Variants in CLIP2 observed in about 807,000 individuals in gnomAD.
The protein encoded by CLIP2 is CAP-Gly domain containing linker protein 2.
A neutral mutation model predicts 111.7 loss-of-function variants in CLIP2; 41 were observed. That is an observed-to-expected ratio of 0.37 (90% CI 0.29 to 0.48). The LOEUF (loss-of-function observed/expected upper bound fraction) is 0.48, where lower values mean the gene tolerates loss of function less well. CLIP2 is among the 20% of genes least tolerant of loss of function. The pLI, the probability that CLIP2 is intolerant of heterozygous loss-of-function variation, is 0.99. For missense variants in CLIP2, 1,160 were observed against 1,422.1 expected (o/e 0.82, Z 2.96); for synonymous variants, 660 against 644.2 (o/e 1.02, Z -0.37).
At chr7:74,336,137 G>C (rs1789449466) in intron 2 of CLIP2, among the ~76,000 whole-genome samples, 1 of 151,532 alleles carries the variant, frequency 6.6e-6, no homozygotes, top group Admixed American at 6.6e-5. Context: ...GTGCCATCTT[G>C]GCTCACTGCA....
intron 8 of CLIP2, among the ~76,000 whole-genome samples, chr7:74,364,578 G>A (rs1305193256): frequency 6.6e-6 from 1 of 152,166 alleles, no homozygotes; most frequent in East Asian, 1.9e-4. Flanking sequence ...GGGGGGCTGG[G>A]CCCCAGGATA....
intron 8 of CLIP2, among the ~76,000 whole-genome samples, chr7:74,368,517 A>T (rs935684552): frequency 1.6e-4 from 24 of 151,412 alleles, no homozygotes; most frequent in African/African-American, 5.1e-4. Context: ...ACTCCATCTC[A>T]AAATAAATAA....
chr7:74,315,503 C>A (rs1272670455), intron 1 of CLIP2, among the ~76,000 whole-genome samples: 1 of 152,096 alleles, frequency 6.6e-6, no homozygotes, highest in Non-Finnish European at 1.5e-5. Context: ...CCTTGGCCCC[C>A]CAAAGTGCTG....
chr7:74,401,413 G>A (rs1193685709), intron 15 of CLIP2, 92 bp from the exon 16 acceptor site: 1 of 1,262,102 alleles, frequency 7.9e-7, no homozygotes, highest in East Asian at 2.5e-5. Context: ...TGGAGCCTGA[G>A]ACGGTCCCAT....
chr7:74,403,711 C>A, intron 16 of CLIP2, 126 bp from the exon 17 acceptor site: 1 of 930,054 alleles, frequency 1.1e-6, no homozygotes, highest in Non-Finnish European at 1.8e-6. Flanking sequence ...GGCCTTGGCA[C>A]ATGCAGTTCG....
At chr7:74,340,959 AGCATATTGCT>A (rs1789642977) in intron 3 of CLIP2, among the ~76,000 whole-genome samples, 1 of 152,090 alleles carries the variant, frequency 6.6e-6, no homozygotes, top group Admixed American at 6.6e-5. Context: ...GGATCCCCAA[AGCATATTGCT>A]GCCTGGGATC....
intron 8 of CLIP2, among the ~76,000 whole-genome samples, chr7:74,365,364 C>G (rs1166707522): frequency 1.3e-5 from 2 of 152,122 alleles, no homozygotes; most frequent in African/African-American, 4.8e-5. Flanking sequence ...GAAACAGCAT[C>G]GGGAGCTAAG....
rs117075244 is a variant in CLIP2, at chr7:74,297,924, G to C, written c.-68+8190G>C. The stretch of plus-strand genomic sequence containing the variant: ...ACCTCCAGGGCTCAAGCGATCCAGA[G>C]GAGGGCACTTTAATGCATTCATATA... On this transcript the variant is annotated intron_variant, in intron 1 of 16. Coordinates refer to ENST00000223398, the MANE Select transcript of CLIP2 (RefSeq NM_003388.5). 5.1e-3 allele frequency among the ~76,000 whole-genome samples: 778 copies of C among 151,448 alleles called. 3 individuals are homozygous for C. The highest frequency in any genetic ancestry group is 6.1e-3 in the Non-Finnish European group (414 of 67,860).
chr7:74,314,198 T>TAAAAAGG (rs1788712162), intron 1 of CLIP2, among the ~76,000 whole-genome samples: 1 of 90,458 alleles, frequency 1.1e-5, no homozygotes, highest in African/African-American at 3.4e-5. Flanking sequence ...AAAAAAAAAT[T>TAAAAAGG]GGGGAAAAGG....
At chr7:74,363,594 AGT>A (rs1774430674) in intron 7 of CLIP2, among the ~76,000 whole-genome samples, 1 of 152,036 alleles carries the variant, frequency 6.6e-6, no homozygotes, top group Admixed American at 6.6e-5. Flanking sequence ...TGATGAAAAC[AGT>A]GTTGTCAGCT....
rs1343393558 is a variant in CLIP2 at position 74,369,897 on chromosome 7, T to C, written c.1381-3035T>C. Among the ~76,000 whole-genome samples, 39 of 69,900 alleles carry C rather than the reference T, an allele frequency of 5.6e-4. 1 individual carries two copies. Among genetic ancestry groups the C allele is most frequent in the African/African-American group, 1.6e-3 (37 of 23,808 alleles). 45.9% of individuals were successfully genotyped at this position (69,900 alleles called of 152,430 possible). On this transcript the variant is annotated intron_variant, in intron 8 of 16. Transcript: ENST00000223398. The stretch of plus-strand genomic sequence containing the variant: ...AAAAAAATCCAGGCACGGTGGCTCA[T>C]GCCTGTAATCCCAGCACTTTGGGAG...
At position 74,289,454 on chromosome 7, in the gene CLIP2, T is replaced by TGGCTCCGCG. The variant is rs1330946520; in HGVS notation, c.-344_-336dup. 11 of 150,030 alleles carry TGGCTCCGCG rather than the reference T, an allele frequency of 7.3e-5. No individual in the cohort carries two copies. The highest frequency in any genetic ancestry group is 1.3e-4 in the Non-Finnish European group (9 of 67,366). 9.3% of individuals were successfully genotyped at this position (150,030 alleles called of 1,614,324 possible). ...GGGCCGCTGGCTCCGCTGGCTCCGCTGGCTCCGCGGGCGCTCAGCTCGGCT... is the reference window on the plus strand; with the variant it reads ...GGGCCGCTGGCTCCGCTGGCTCCGCTGGCTCCGCGGGCTCCGCGGGCGCTCAGCTCGGCT... On this transcript the variant is annotated 5_prime_UTR_variant, in exon 1 of 17. Coordinates refer to ENST00000223398, the MANE Select transcript of CLIP2 (RefSeq NM_003388.5).
intron 10 of CLIP2, among the ~76,000 whole-genome samples, chr7:74,379,632 C>T (rs375783736): frequency 3.3e-5 from 5 of 152,016 alleles, no homozygotes; most frequent in Admixed American, 2.0e-4. Flanking sequence ...GGCATGGTGG[C>T]GGGCGCCTGT....
intron 2 of CLIP2, among the ~76,000 whole-genome samples, chr7:74,332,460 CTTTTTTTTTTTTT>C (rs386410474): frequency 9.1e-6 from 1 of 110,324 alleles, no homozygotes; most frequent in Admixed American, 1.1e-4. Context: ...CTAGAATTCT[CTTTTTTTTTTTTT>C]TTTTTTTAGA....
At chr7:74,321,016 G>T (rs1427600398) in intron 2 of CLIP2, among the ~76,000 whole-genome samples, 1 of 152,078 alleles carries the variant, frequency 6.6e-6, no homozygotes, top group Non-Finnish European at 1.5e-5. Context: ...ATCTAGAGAG[G>T]CCCAAATTCT....
chr7:74,360,248 A>G lies in CLIP2; in HGVS notation c.1289A>G (p.Asp430Gly). The G allele has an allele frequency of 6.2e-7, 1 of 1,604,578 alleles. No individual in the cohort carries two copies. Among genetic ancestry groups the G allele is most frequent in the Non-Finnish European group, 8.5e-7 (1 of 1,175,720 alleles). The change falls in exon 7 of 17, where the codon GAC becomes GGC. Residue 430 changes from aspartate to glycine, a missense_variant. This residue lies in a region of CLIP2 where 70 missense variants were observed against 114.9 expected (regional missense o/e 0.61). Transcript: ENST00000223398. ...LVESVRKEKV[D>G]LSNQLEEERR... ...GAGAGCGTGCGGAAAGAGAAGGTGGACCTGTCCAACCAGCTGGAGGAGGAG... is the reference window on the plus strand; with the variant it reads ...GAGAGCGTGCGGAAAGAGAAGGTGGGCCTGTCCAACCAGCTGGAGGAGGAG...
At chr7:74,394,242 C>CTTTT (rs782731877) in intron 13 of CLIP2, among the ~76,000 whole-genome samples, 2 of 119,736 alleles carry the variant, frequency 1.7e-5, no homozygotes, top group Admixed American at 8.6e-5. Context: ...TCTTTTTCTT[C>CTTTT]TTATTTTTTT....
chr7:74,349,143 G>T (rs1173213528), intron 3 of CLIP2, among the ~76,000 whole-genome samples: 2 of 149,610 alleles, frequency 1.3e-5, no homozygotes, highest in Non-Finnish European at 3.0e-5. Flanking sequence ...CAAAACGAAT[G>T]AAGTACTGGT....
intron 1 of CLIP2, among the ~76,000 whole-genome samples, chr7:74,293,619 G>T (rs1442787972): frequency 3.3e-5 from 5 of 152,186 alleles, no homozygotes; most frequent in Non-Finnish European, 5.9e-5. Flanking sequence ...TGATGATGAA[G>T]GTTGTGTGTT....
Sources: allele counts gnomAD v4.1 joint callset (sites outside exome capture counted in the v4.1 genomes callset), GRCh38; gene constraint gnomAD v4.1.1; regional missense constraint gnomAD v4.1.1; transcripts MANE v1.5; gene names NCBI Gene and HGNC (gene_info 2026-07-23, HGNC 2026-07-21).